The following CSMD1 variants were observed in gnomAD, a reference collection of about 807,000 sequenced individuals.
The protein encoded by CSMD1 is CUB and Sushi multiple domains 1, also known as CUB and sushi domain-containing protein 1.
A neutral mutation model predicts 417.5 loss-of-function variants in CSMD1; 213 were observed. That is an observed-to-expected ratio of 0.51 (90% CI 0.46 to 0.57). The LOEUF (loss-of-function observed/expected upper bound fraction) is 0.57, where lower values mean the gene tolerates loss of function less well. CSMD1 is among the 20% of genes least tolerant of loss of function. The pLI, the probability that CSMD1 is intolerant of heterozygous loss-of-function variation, is 0.00. For missense variants in CSMD1, 6,923 were observed against 4,529.7 expected, an observed-to-expected ratio of 1.53 and a Z score of -15.17; for synonymous variants, 2,862 against 1,736.8, an observed-to-expected ratio of 1.65 and a Z score of -16.11.
At chr8:4,825,041 A>C (rs1056618795) in intron 1 of CSMD1, among the ~76,000 whole-genome samples, 7 of 152,090 alleles carry the variant, frequency 4.6e-5, no homozygotes, top group African/African-American at 1.7e-4. Context: ...TCCTTTTTGA[A>C]GTCAAGCTTC....
chr8:4,314,503 G>C (rs1042904107), intron 3 of CSMD1, among the ~76,000 whole-genome samples: 2 of 152,090 alleles, frequency 1.3e-5, no homozygotes, highest in Admixed American at 1.3e-4. Context: ...AAGCAGTCTG[G>C]ACTTTGCTAA....
At chr8:4,010,737 T>C (rs1816478918) in intron 4 of CSMD1, among the ~76,000 whole-genome samples, 1 of 152,192 alleles carries the variant, frequency 6.6e-6, no homozygotes. Flanking sequence ...TCTCTTGTCT[T>C]ACCATCCTTA....
At chr8:4,389,602 A>C (rs1439536551) in intron 3 of CSMD1, among the ~76,000 whole-genome samples, 2 of 152,198 alleles carry the variant, frequency 1.3e-5, no homozygotes, top group South Asian at 2.1e-4. Flanking sequence ...TTTCAAGTGA[A>C]GTCAAACTTC....
intron 46 of CSMD1, among the ~76,000 whole-genome samples, chr8:3,103,441 G>C (rs928547020): frequency 6.6e-6 from 1 of 152,092 alleles, no homozygotes; most frequent in African/African-American, 2.4e-5. Context: ...CACAGTATGA[G>C]ACTGTACTGA....
intron 26 of CSMD1, among the ~76,000 whole-genome samples, chr8:3,233,352 C>T (rs760512855): frequency 3.3e-5 from 5 of 152,210 alleles, no homozygotes; most frequent in Non-Finnish European, 5.9e-5. Context: ...CAGGCGATGC[C>T]TGCACACGTT....
chr8:3,817,135 G>C (rs1563109677), intron 5 of CSMD1, among the ~76,000 whole-genome samples: 1 of 151,738 alleles, frequency 6.6e-6, no homozygotes, highest in South Asian at 2.1e-4. Flanking sequence ...TCTTCATGAT[G>C]AAGGGACATG....
chr8:3,573,014 A>T (rs916330544), intron 10 of CSMD1, among the ~76,000 whole-genome samples: 2 of 137,014 alleles, frequency 1.5e-5, no homozygotes, highest in East Asian at 3.9e-4. Flanking sequence ...TATAATTTTA[A>T]TTCAAATTGA....
chr8:4,231,367 T>A (rs893281433), intron 3 of CSMD1, among the ~76,000 whole-genome samples: 31 of 152,280 alleles, frequency 2.0e-4, no homozygotes, highest in African/African-American at 7.5e-4. Flanking sequence ...CTGGATAATT[T>A]TCCTCCTCTG....
At chr8:3,250,485 T>A (rs1351646570) in intron 26 of CSMD1, among the ~76,000 whole-genome samples, 1 of 152,214 alleles carries the variant, frequency 6.6e-6, no homozygotes, top group African/African-American at 2.4e-5. Context: ...TGGTTCCAAG[T>A]CTTTGCTATT....
intron 37 of CSMD1, among the ~76,000 whole-genome samples, chr8:3,179,208 G>A (rs543814517): frequency 1.8e-4 from 28 of 152,102 alleles, no homozygotes; most frequent in Non-Finnish European, 3.4e-4. Flanking sequence ...GCCTCCCAAA[G>A]TGCTGGGATT....
At chr8:3,442,687 G>C (rs918532162) in intron 12 of CSMD1, among the ~76,000 whole-genome samples, 1 of 152,130 alleles carries the variant, frequency 6.6e-6, no homozygotes, top group Non-Finnish European at 1.5e-5. Context: ...ATCTCAGAAC[G>C]TATCCCTGTT....
intron 7 of CSMD1, among the ~76,000 whole-genome samples, chr8:3,629,285 G>A (rs1178510546): frequency 6.9e-6 from 1 of 145,752 alleles, no homozygotes; most frequent in Non-Finnish European, 1.5e-5. Flanking sequence ...GATGCTTAAT[G>A]GAAAGCAGAG....
chr8:4,599,934 G>C (rs924355802), intron 2 of CSMD1, among the ~76,000 whole-genome samples: 1 of 152,176 alleles, frequency 6.6e-6, no homozygotes, highest in South Asian at 2.1e-4. Context: ...ACCCAGGTAT[G>C]CATGGATCTG....
At chr8:4,081,805 T>C (rs1054677516) in intron 3 of CSMD1, among the ~76,000 whole-genome samples, 4 of 151,898 alleles carry the variant, frequency 2.6e-5, no homozygotes, top group Admixed American at 6.6e-5. Flanking sequence ...ACACAATGGA[T>C]CAAATAAATT....
chr8:3,202,198 C>A (rs1210889309), intron 31 of CSMD1, among the ~76,000 whole-genome samples: 1 of 152,062 alleles, frequency 6.6e-6, no homozygotes, highest in Non-Finnish European at 1.5e-5. Context: ...TAAAGACTTC[C>A]CTATATTTTC....
At chr8:4,084,952 T>G (rs1396701933) in intron 3 of CSMD1, among the ~76,000 whole-genome samples, 2 of 152,168 alleles carry the variant, frequency 1.3e-5, no homozygotes, top group East Asian at 3.9e-4. Context: ...GGAAAGCACC[T>G]GCAGAAAGAA....
chr8:3,286,785 C>G (rs548997006), intron 25 of CSMD1, among the ~76,000 whole-genome samples: 1 of 152,086 alleles, frequency 6.6e-6, no homozygotes, highest in Non-Finnish European at 1.5e-5. Flanking sequence ...AGTGTTGACT[C>G]TGATGGTAGT....
At position 3,488,264 on chromosome 8, in the gene CSMD1, G is replaced by A. The variant is rs552405130; in HGVS notation, c.1448+5359C>T. ...ACTGCAGGCATGCACCACCACACCCGGCTAATTTTTGTCTTTGTTTTTTTG... is the reference window on the plus strand; with the variant it reads ...ACTGCAGGCATGCACCACCACACCCAGCTAATTTTTGTCTTTGTTTTTTTG... On this transcript the variant is annotated intron_variant, in intron 11 of 69. Transcript: ENST00000635120. Among the ~76,000 whole-genome samples, 161 of 151,874 alleles carry A rather than the reference G, an allele frequency of 1.1e-3. 1 individual carries two copies. The highest frequency in any genetic ancestry group is 3.5e-3 in the African/African-American group (145 of 41,436).
At chr8:4,696,650 G>A (rs376522909) in intron 1 of CSMD1, among the ~76,000 whole-genome samples, 1 of 152,084 alleles carries the variant, frequency 6.6e-6, no homozygotes, top group African/African-American at 2.4e-5. Flanking sequence ...CATTTATCTG[G>A]TTTCTCTTTT....
Sources: allele counts gnomAD v4.1 joint callset (sites outside exome capture counted in the v4.1 genomes callset), GRCh38; gene constraint gnomAD v4.1.1; transcripts MANE v1.5; gene names NCBI Gene and HGNC (gene_info 2026-07-23, HGNC 2026-07-21).